Variants in SLC30A8 observed in about 807,000 individuals in gnomAD.
SLC30A8 encodes solute carrier family 30 member 8, also known as proton-coupled zinc antiporter SLC30A8.
A neutral mutation model predicts 36.9 loss-of-function variants in SLC30A8; 27 were observed. The ratio of observed to expected loss-of-function variants is 0.73; its 90% CI spans 0.54 to 1.01. The LOEUF is 1.01. SLC30A8 is among the 50% of genes least tolerant of loss of function. SLC30A8 has a pLI of 0.00. For synonymous variants in SLC30A8, 164 were observed against 172.4 expected (o/e 0.95, Z 0.38); for missense variants, 439 against 452.0 (o/e 0.97, Z 0.26).
upstream of SLC30A8, among the ~76,000 whole-genome samples, chr8:117,134,312 C>T (rs1161102025): frequency 1.3e-5 from 2 of 152,012 alleles, no homozygotes; most frequent in African/African-American, 2.4e-5. Flanking sequence ...CCAGTCTGCA[C>T]AACCCCCTCT....
rs141612380 is a variant in SLC30A8 at position 117,105,984 on chromosome 8, A to G, written c.-225-29296A>G. On this transcript the variant is annotated intron_variant, in intron 2 of 10. Coordinates refer to the SLC30A8 transcript ENST00000427715. The stretch of plus-strand genomic sequence containing the variant: ...ATAGAATGGTTTCTTTTCATTTTCA[A>G]TGTACATCATACTTTGTCAGACTTT... Among the ~76,000 whole-genome samples the G allele has an allele frequency of 1.5e-3, 230 of 152,292 alleles. 3 individuals carry two copies. Among genetic ancestry groups the G allele is most frequent in the East Asian group, 9.8e-3 (51 of 5,184 alleles).
intron 2 of SLC30A8, among the ~76,000 whole-genome samples, chr8:117,091,908 AG>A (rs1249216508): frequency 6.6e-6 from 1 of 152,226 alleles, no homozygotes; most frequent in Non-Finnish European, 1.5e-5. Flanking sequence ...AAATGCACAC[AG>A]GGTCCTCACT....
intron 6 of SLC30A8, among the ~76,000 whole-genome samples, chr8:117,170,074 C>G (rs1380114877): frequency 2.0e-5 from 3 of 152,160 alleles, no homozygotes; most frequent in Non-Finnish European, 2.9e-5. Context: ...CAGTGGTTCT[C>G]AATCTTGGCT....
chr8:117,137,060 C>T (rs1821397226), intron 1 of SLC30A8, among the ~76,000 whole-genome samples: 1 of 151,972 alleles, frequency 6.6e-6, no homozygotes, highest in African/African-American at 2.4e-5. Context: ...CTAATTACAA[C>T]AGAACTGGGC....
chr8:116,997,795 A>G (rs1815871606), intron 1 of SLC30A8, among the ~76,000 whole-genome samples: 1 of 152,158 alleles, frequency 6.6e-6, no homozygotes, highest in Non-Finnish European at 1.5e-5. Context: ...CATTCATTCA[A>G]TCAGTGAGCA....
At chr8:117,053,796 C>T (rs1396026973) in intron 2 of SLC30A8, among the ~76,000 whole-genome samples, 1 of 152,174 alleles carries the variant, frequency 6.6e-6, no homozygotes, top group Non-Finnish European at 1.5e-5. Flanking sequence ...TACCTGCAGG[C>T]AGGGATTTTT....
chr8:116,954,246 G>A (rs1814106446), intron 1 of SLC30A8, among the ~76,000 whole-genome samples: 1 of 152,164 alleles, frequency 6.6e-6, no homozygotes, highest in South Asian at 2.1e-4. Context: ...GGGGAGACAT[G>A]AGAGTTCAGT....
chr8:117,122,632 G>A (rs993171562), intron 2 of SLC30A8, among the ~76,000 whole-genome samples: 1 of 151,986 alleles, frequency 6.6e-6, no homozygotes, highest in African/African-American at 2.4e-5. Context: ...ATGCACAGTT[G>A]AGGTAGGCAA....
At chr8:117,062,624 C>G (rs945220434) in intron 2 of SLC30A8, among the ~76,000 whole-genome samples, 6 of 152,184 alleles carry the variant, frequency 3.9e-5, no homozygotes, top group African/African-American at 1.4e-4. Flanking sequence ...AGACACATAT[C>G]CAAACCACAT....
chr8:117,087,424 G>A (rs1818923354), intron 2 of SLC30A8, among the ~76,000 whole-genome samples: 1 of 152,128 alleles, frequency 6.6e-6, no homozygotes, highest in South Asian at 2.1e-4. Flanking sequence ...CTTCATCTGA[G>A]GTGGCTCATC....
chr8:116,953,847 A>G (rs905498950), intron 1 of SLC30A8, among the ~76,000 whole-genome samples: 4 of 152,192 alleles, frequency 2.6e-5, no homozygotes, highest in Non-Finnish European at 5.9e-5. Flanking sequence ...GTTCCAGAAG[A>G]TCTCTACTCC....
chr8:117,078,008 T>A (rs1818544179), intron 2 of SLC30A8, among the ~76,000 whole-genome samples: 1 of 152,208 alleles, frequency 6.6e-6, no homozygotes, highest in Admixed American at 6.5e-5. Context: ...GTGATGAAGA[T>A]TTAAGTCTGA....
intron 2 of SLC30A8, among the ~76,000 whole-genome samples, chr8:117,125,783 T>C (rs1316940142): frequency 6.6e-6 from 1 of 152,008 alleles, no homozygotes; most frequent in Non-Finnish European, 1.5e-5. Context: ...TCCATATATA[T>C]TTAAGAATGC....
intron 1 of SLC30A8, among the ~76,000 whole-genome samples, chr8:116,975,622 CAT>C (rs548426722): frequency 4.1e-4 from 63 of 152,304 alleles, no homozygotes; most frequent in Admixed American, 7.8e-4. Context: ...GGTAGACTAT[CAT>C]GTGTGTTAAC....
At chr8:116,981,714 C>T (rs565435996) in intron 1 of SLC30A8, among the ~76,000 whole-genome samples, 3 of 152,266 alleles carry the variant, frequency 2.0e-5, no homozygotes, top group South Asian at 4.1e-4. Context: ...AATGGCCTCC[C>T]ACTCCATCCA....
intron 1 of SLC30A8, among the ~76,000 whole-genome samples, chr8:117,142,260 C>A (rs146585749): frequency 1.3e-5 from 2 of 152,068 alleles, no homozygotes; most frequent in African/African-American, 4.8e-5. Context: ...ATGACTACTT[C>A]TTTCTATTTT....
At chr8:116,990,317 GAA>G (rs35943841) in intron 1 of SLC30A8, among the ~76,000 whole-genome samples, 1 of 148,398 alleles carries the variant, frequency 6.7e-6, no homozygotes, top group East Asian at 2.0e-4. Context: ...GTTTAGAAAG[GAA>G]AAAAAAAATA....
intron 2 of SLC30A8, among the ~76,000 whole-genome samples, chr8:117,045,777 CTGTT>C (rs998236742): frequency 6.6e-6 from 1 of 152,190 alleles, no homozygotes; most frequent in Non-Finnish European, 1.5e-5. Context: ...GACAAGCCAT[CTGTT>C]TGTTTAACAT....
At chr8:116,995,420 T>C (rs764052788) in intron 1 of SLC30A8, among the ~76,000 whole-genome samples, 6 of 152,030 alleles carry the variant, frequency 3.9e-5, no homozygotes, top group Admixed American at 2.0e-4. Flanking sequence ...TGAAAAAACT[T>C]CATTTCCCAC....
Sources: allele counts gnomAD v4.1 joint callset (sites outside exome capture counted in the v4.1 genomes callset), GRCh38; gene constraint gnomAD v4.1.1; transcripts MANE v1.5; gene names NCBI Gene and HGNC (gene_info 2026-07-23, HGNC 2026-07-21).